PLA2R1: variants seen among roughly 807,000 people sequenced by gnomAD.
PLA2R1 encodes secretory phospholipase A2 receptor.
In PLA2R1, 158 loss-of-function variants were observed where a neutral mutation model predicts 195.9. The observed-to-expected ratio is 0.81, with a 90% confidence interval of 0.71 to 0.92. The LOEUF is 0.92. PLA2R1 is among the 40% of genes least tolerant of loss of function. The pLI is 0.00. For missense variants in PLA2R1, 1,626 were observed against 1,764.6 expected, an observed-to-expected ratio of 0.92 and a Z score of 1.41; for synonymous variants, 586 against 598.2, an observed-to-expected ratio of 0.98 and a Z score of 0.30.
rs1686856808 is a variant in PLA2R1, at chr2:159,936,800, T to G, written c.*4978A>C. On this transcript the variant is annotated 3_prime_UTR_variant, in exon 30 of 30. Coordinates refer to ENST00000283243, the MANE Select transcript of PLA2R1 (RefSeq NM_007366.5). ...ACAGCCTGGATCTGTGAGTTACTGC[T>G]TGGAGGCAAGTGTCCTGACCATAGC... 1 of 152,230 alleles carries G rather than the reference T, an allele frequency of 6.6e-6. No homozygotes were observed. The highest frequency in any genetic ancestry group is 1.5e-5 in the Non-Finnish European group (1 of 68,040). 9.4% of individuals were successfully genotyped at this position (152,230 alleles called of 1,614,324 possible). A position where few individuals can be genotyped will look rare whatever the true frequency, so the allele number is the denominator to read the frequency against.
chr2:159,946,722 C>G (rs1687406757), intron 27 of PLA2R1, 79 bp downstream of exon 27: 8 of 1,462,496 alleles, frequency 5.5e-6, no homozygotes, highest in Non-Finnish European at 6.3e-6. Context: ...GGAGAGTTTT[C>G]TGGCTCACAG....
At position 159,991,394 on chromosome 2, in the gene PLA2R1, A is replaced by G. The variant is rs4665131; in HGVS notation, c.1835-4036T>C. On this transcript the variant is annotated intron_variant, in intron 11 of 29. Transcript: ENST00000283243. ...AGCCTTAAAATGGATTGGCCTCTCT[A>G]GTGTCTACTGATGGGACAGGCTGAA... Among the ~76,000 whole-genome samples the G allele has an allele frequency of 6.2e-3, 928 of 149,530 alleles. 12 individuals are homozygous for G. The highest frequency in any genetic ancestry group is 0.022 in the Admixed American group (328 of 15,086).
At chr2:159,948,121 G>C (rs1338643828) in intron 25 of PLA2R1, among the ~76,000 whole-genome samples, 3 of 152,202 alleles carry the variant, frequency 2.0e-5, no homozygotes, top group Non-Finnish European at 4.4e-5. Flanking sequence ...TCCATGCTGA[G>C]ATCCCGGCTC....
chr2:160,054,176 C>T (rs1235304662), intron 1 of PLA2R1, among the ~76,000 whole-genome samples: 3 of 152,148 alleles, frequency 2.0e-5, no homozygotes, highest in African/African-American at 7.2e-5. Flanking sequence ...TAGTTCACAC[C>T]TGTAATCCCA....
At chr2:160,025,561 T>C (rs1355704781) in intron 6 of PLA2R1, among the ~76,000 whole-genome samples, 1 of 142,904 alleles carries the variant, frequency 7.0e-6, no homozygotes, top group Non-Finnish European at 1.5e-5. Context: ...AACTATGTTT[T>C]ATGTAAGCCA....
At chr2:160,012,405 C>CG (rs923517087) in intron 10 of PLA2R1, among the ~76,000 whole-genome samples, 2 of 152,048 alleles carry the variant, frequency 1.3e-5, no homozygotes, top group Admixed American at 1.3e-4. Context: ...TATTATGCAT[C>CG]GGTACCATGG....
At chr2:159,942,438 C>A (rs1195385798) in intron 28 of PLA2R1, among the ~76,000 whole-genome samples, 1 of 152,100 alleles carries the variant, frequency 6.6e-6, no homozygotes, top group African/African-American at 2.4e-5. Flanking sequence ...TTGTAATCAT[C>A]GTTATTAGTG....
At chr2:160,029,362 G>T (rs997730409) in intron 4 of PLA2R1, among the ~76,000 whole-genome samples, 2 of 152,076 alleles carry the variant, frequency 1.3e-5, no homozygotes, top group African/African-American at 4.8e-5. Flanking sequence ...AAGGTAAAAC[G>T]GTGTGCTGAA....
At chr2:160,058,911 T>G (rs1695759854) in intron 1 of PLA2R1, among the ~76,000 whole-genome samples, 1 of 152,214 alleles carries the variant, frequency 6.6e-6, no homozygotes, top group Non-Finnish European at 1.5e-5. Flanking sequence ...CTTCTATTAT[T>G]ATTACATTGT....
chr2:160,036,969 C>T (rs562494115), intron 3 of PLA2R1, among the ~76,000 whole-genome samples: 1 of 152,258 alleles, frequency 6.6e-6, no homozygotes, highest in East Asian at 1.9e-4. Flanking sequence ...AGCTTAACAC[C>T]TTCATTTTTG....
chr2:160,047,043 C>T (rs1694912498), intron 1 of PLA2R1, among the ~76,000 whole-genome samples: 1 of 152,106 alleles, frequency 6.6e-6, no homozygotes, highest in East Asian at 1.9e-4. Flanking sequence ...CAGCTTCTAC[C>T]TAATATATAT....
At chr2:160,057,088 A>G (rs2715928) in intron 1 of PLA2R1, among the ~76,000 whole-genome samples, 95,630 of 151,904 alleles carry the variant, frequency 0.63, 30,625 homozygotes, top group African/African-American at 0.69. Context: ...CACAGGAACT[A>G]GCTAGCATGC....
In PLA2R1 at chr2:160,004,333, C is replaced by T. The variant is rs1394556294; in HGVS notation, c.1834+1319G>A. On this transcript the variant is annotated intron_variant, in intron 11 of 29. Coordinates refer to ENST00000283243, the MANE Select transcript of PLA2R1 (RefSeq NM_007366.5). ...AGTAAGAATATATTCATGATTTCAT[C>T]GTTGAATTTTAAAAATCGGTGGAGC... Among the ~76,000 whole-genome samples, 16 of 152,234 alleles carry T rather than the reference C, an allele frequency of 1.1e-4. No homozygotes were observed. In the East Asian group the frequency reaches 1.9e-3, roughly 18 times the overall value.
chr2:159,948,687 A>T (rs1251611420), intron 25 of PLA2R1, among the ~76,000 whole-genome samples: 5 of 150,098 alleles, frequency 3.3e-5, no homozygotes, highest in African/African-American at 1.2e-4. Context: ...GACAGCTTTT[A>T]TGGAGTTTTA....
chr2:160,033,024 G>A lies in PLA2R1; in HGVS notation c.776C>T (p.Ser259Leu). The change falls in exon 4 of 30, where the codon TCA becomes TTA. Residue 259 changes from serine to leucine, a missense_variant. Ser to Leu is a moderately radical substitution (Grantham distance 145). Coordinates refer to ENST00000283243, the MANE Select transcript of PLA2R1 (RefSeq NM_007366.5). ...CAGCGTACCTCCTTGCATCTGGCAT[G>A]AAGAATGTGCCTCACTCCAAGAGAG... ...SSLSWSEAHS[S>L]CQMQGGTLLS... 1 of 1,613,462 alleles carries A rather than the reference G, an allele frequency of 6.2e-7. No individual in the cohort carries two copies. The highest frequency in any genetic ancestry group is 1.7e-5 in the Admixed American group (1 of 59,966).
At position 159,955,859 on chromosome 2, in the gene PLA2R1, A is replaced by T. The variant is rs1688053337; in HGVS notation, c.3023-31T>A. 4 of 1,502,220 alleles carry T rather than the reference A, an allele frequency of 2.7e-6. No individual in the cohort carries two copies. In the East Asian group the frequency reaches 9.2e-5, roughly 35 times the overall value. 93.1% of individuals were successfully genotyped at this position (1,502,220 alleles called of 1,614,324 possible). A position where few individuals can be genotyped will look rare whatever the true frequency, so the allele number is the denominator to read the frequency against. On this transcript the variant is annotated intron_variant, in intron 21 of 29. Coordinates refer to ENST00000283243, the MANE Select transcript of PLA2R1 (RefSeq NM_007366.5). ...AAACAGGAATACATTATCTAATTTA[A>T]TACTGTAGAAAGCATTTGGGTAATC... is the stretch of plus-strand genomic sequence containing the variant.
intron 9 of PLA2R1, among the ~76,000 whole-genome samples, chr2:160,015,810 G>C (rs1413216816): frequency 6.6e-6 from 1 of 152,124 alleles, no homozygotes; most frequent in African/African-American, 2.4e-5. Flanking sequence ...TAAGGGGATG[G>C]GTCATTGTTC....
At chr2:160,039,949 G>GT (rs35316873) in intron 3 of PLA2R1, among the ~76,000 whole-genome samples, 33,625 of 149,190 alleles carry the variant, frequency 0.23, 4,071 homozygotes, top group Admixed American at 0.37. Context: ...GAATATTGTA[G>GT]TTTTTTTTTT....
At chr2:160,020,364 C>A in intron 7 of PLA2R1, 101 bp from the exon 8 acceptor site, 2 of 714,544 alleles carry the variant, frequency 2.8e-6, no homozygotes, top group South Asian at 3.9e-5. Flanking sequence ...CATGTGATTT[C>A]TTCTTTATTT....
Sources: allele counts gnomAD v4.1 joint callset (sites outside exome capture counted in the v4.1 genomes callset), GRCh38; gene constraint gnomAD v4.1.1; transcripts MANE v1.5; gene names NCBI Gene and HGNC (gene_info 2026-07-23, HGNC 2026-07-21).